LRRC8C: variants seen among roughly 807,000 people sequenced by gnomAD.
LRRC8C encodes the protein leucine rich repeat containing 8 VRAC subunit C.
Under a neutral mutation model 55.3 loss-of-function variants are expected in LRRC8C, and 20 were observed. That is an observed-to-expected ratio of 0.36 (90% CI 0.25 to 0.53). The LOEUF is 0.53. Ranked by LOEUF, LRRC8C falls within the 20% of genes least tolerant of loss-of-function variation. The probability of loss-of-function intolerance (pLI) is 0.92; values close to 1 mark genes in which losing one functional copy is unlikely to be tolerated. For missense variants in LRRC8C, 659 were observed against 951.4 expected, an observed-to-expected ratio of 0.69 and a Z score of 4.04; for synonymous variants, 376 against 360.7, an observed-to-expected ratio of 1.04 and a Z score of -0.48.
At chr1:89,630,729 CT>C (rs1656085217), upstream of LRRC8C, among the ~76,000 whole-genome samples, 1 of 152,200 alleles carries the variant, frequency 6.6e-6, no homozygotes, top group Non-Finnish European at 1.5e-5. Flanking sequence ...CCTTGTACTT[CT>C]TTAAGACCCT....
At chr1:89,685,284 AATTTTTT>A (rs1367129351) in intron 1 of LRRC8C, among the ~76,000 whole-genome samples, 5 of 75,582 alleles carry the variant, frequency 6.6e-5, no homozygotes, top group Admixed American at 1.4e-4. Flanking sequence ...GCGCCCGGCT[AATTTTTT>A]GTATTTTTAG....
rs747673573 is a variant in LRRC8C at position 89,714,026 on chromosome 1, C to T, written c.1456C>T (p.Leu486Phe). 3 of 1,613,574 alleles carry T rather than the reference C, an allele frequency of 1.9e-6. No individual in the cohort carries two copies. Among genetic ancestry groups the T allele is most frequent in the Non-Finnish European group, 2.5e-6 (3 of 1,180,010 alleles). Residue 486 changes from leucine to phenylalanine, a missense_variant, in exon 3 of 3, where the codon CTC becomes TTC. Around this residue, in one of 5 missense-constraint regions of LRRC8C, gnomAD observed 344 missense variants for 464.6 expected, o/e 0.74. Coordinates refer to ENST00000370454, the MANE Select transcript of LRRC8C (RefSeq NM_032270.5). The surrounding 1 kb of genome is among the most constrained non-coding windows in gnomAD (Gnocchi z 4.6). ...QCSVKIHSAALSFLKENLKVL... is the reference protein window; with the variant it reads ...QCSVKIHSAAFSFLKENLKVL... Reference sequence around the variant, plus strand: ...TTCTGTCAAAATCCACAGTGCGGCGCTCTCTTTCCTGAAGGAAAACCTCAA... The same window carrying T: ...TTCTGTCAAAATCCACAGTGCGGCGTTCTCTTTCCTGAAGGAAAACCTCAA...
chr1:89,642,076 T>C (rs934822323), intron 1 of LRRC8C, among the ~76,000 whole-genome samples: 4 of 152,246 alleles, frequency 2.6e-5, no homozygotes, highest in African/African-American at 9.6e-5. Flanking sequence ...GTAATTTTTA[T>C]AGTACTTTCC....
At chr1:89,709,168 C>T (rs951080172) in intron 2 of LRRC8C, among the ~76,000 whole-genome samples, 2 of 152,304 alleles carry the variant, frequency 1.3e-5, no homozygotes, top group Non-Finnish European at 2.9e-5. Context: ...GCCATCCTAG[C>T]GGAAGCTAGG....
intron 1 of LRRC8C, among the ~76,000 whole-genome samples, chr1:89,656,051 C>T (rs1656934511): frequency 6.6e-6 from 1 of 152,212 alleles, no homozygotes; most frequent in African/African-American, 2.4e-5. Context: ...GTGATGCTGC[C>T]ATCTTACAGC....
At chr1:89,699,819 T>G (rs1658269912) in intron 2 of LRRC8C, among the ~76,000 whole-genome samples, 1 of 152,232 alleles carries the variant, frequency 6.6e-6, no homozygotes, top group Non-Finnish European at 1.5e-5. Context: ...ATTTAAATAT[T>G]CACTCCTTCA....
intron 2 of LRRC8C, among the ~76,000 whole-genome samples, chr1:89,687,455 CTG>C (rs1264840951): frequency 6.6e-6 from 1 of 152,168 alleles, no homozygotes; most frequent in Non-Finnish European, 1.5e-5. Flanking sequence ...CTTTGGGAAA[CTG>C]TCAGTAGAAC....
At chr1:89,662,651 T>C (rs1021240038) in intron 1 of LRRC8C, among the ~76,000 whole-genome samples, 3 of 152,188 alleles carry the variant, frequency 2.0e-5, no homozygotes, top group African/African-American at 7.2e-5. Context: ...TTTGCCCTTA[T>C]GTCTATGTAA....
the LRRC8C span, among the ~76,000 whole-genome samples, chr1:89,621,054 T>C: frequency 1.3e-5 from 2 of 152,358 alleles, no homozygotes; most frequent in South Asian, 2.1e-4. Flanking sequence ...AGCCTTTTTA[T>C]TGCTATTTTT....
intron 1 of LRRC8C, among the ~76,000 whole-genome samples, chr1:89,651,449 TCCCAGCTACTCGG>T (rs2101195899): frequency 6.7e-6 from 1 of 148,606 alleles, no homozygotes; most frequent in Non-Finnish European, 1.5e-5. Flanking sequence ...GCGCCTCTAC[TCCCAGCTACTCGG>T]GAGGCTGAGG....
At chr1:89,659,785 G>T (rs1307069473) in intron 1 of LRRC8C, among the ~76,000 whole-genome samples, 1 of 152,154 alleles carries the variant, frequency 6.6e-6, no homozygotes, top group Non-Finnish European at 1.5e-5. Flanking sequence ...AATCATTGCT[G>T]TACATGTGGA....
chr1:89,714,060 GC>G lies in LRRC8C; in HGVS notation c.1491del (p.Ser497ArgfsTer7). ...SFLKENLKVL[S>X]VKFDDMRELP... ...CTGAAGGAAAACCTCAAGGTCTTGAGCGTCAAGTTTGATGACATGAGGGAAC... is the reference window on the plus strand; with the variant it reads ...CTGAAGGAAAACCTCAAGGTCTTGAGGTCAAGTTTGATGACATGAGGGAAC... On this transcript the variant is annotated frameshift_variant, in exon 3 of 3. Coordinates refer to ENST00000370454, the MANE Select transcript of LRRC8C (RefSeq NM_032270.5). LOFTEE classifies it high-confidence loss of function. This position sits in a 1 kb window ranked among gnomAD's most constrained non-coding sequence, Gnocchi z 4.6. 1.2e-6 allele frequency: 2 copies of G among 1,613,926 alleles called. No homozygotes were observed. Among genetic ancestry groups the G allele is most frequent in the Non-Finnish European group, 1.7e-6 (2 of 1,180,024 alleles).
At chr1:89,670,227 T>C (rs1657377560) in intron 1 of LRRC8C, among the ~76,000 whole-genome samples, 1 of 152,210 alleles carries the variant, frequency 6.6e-6, no homozygotes, top group Admixed American at 6.5e-5. Context: ...TACATGCTTT[T>C]TGCGTGTTGC....
At chr1:89,652,821 A>G (rs938064020) in intron 1 of LRRC8C, among the ~76,000 whole-genome samples, 4 of 152,176 alleles carry the variant, frequency 2.6e-5, no homozygotes, top group East Asian at 3.8e-4. Flanking sequence ...TCGTTGCAAT[A>G]TATAAACATC....
chr1:89,640,027 T>C (rs1361069115), intron 1 of LRRC8C, among the ~76,000 whole-genome samples: 8 of 152,214 alleles, frequency 5.3e-5, no homozygotes, highest in African/African-American at 1.9e-4. Flanking sequence ...CTAAATAAAC[T>C]AAAAATGTGA....
In LRRC8C at chr1:89,713,167, C is replaced by A. The variant is rs775565950; in HGVS notation, c.597C>A (p.Ile199=). Residue 199 remains isoleucine, a synonymous_variant, in exon 3 of 3, where the codon ATC becomes ATA. Transcript: ENST00000370454. This position sits in a 1 kb window ranked among gnomAD's most constrained non-coding sequence, Gnocchi z 5.2. The part of the protein sequence containing the change: ...RKNNMNRSNT[I]QSGPEDSLVN... ...ACAACATGAACAGGTCCAACACCAT[C>A]CAATCTGGTCCAGAAGACAGCCTGG... 1.9e-6 allele frequency: 3 copies of A among 1,614,184 alleles called. No homozygotes were observed. Among genetic ancestry groups the A allele is most frequent in the Non-Finnish European group, 1.7e-6 (2 of 1,180,038 alleles).
chr1:89,696,127 G>A (rs1289463293), intron 2 of LRRC8C, among the ~76,000 whole-genome samples: 1 of 152,158 alleles, frequency 6.6e-6, no homozygotes, highest in Non-Finnish European at 1.5e-5. Flanking sequence ...CTTGAATCCA[G>A]GACCAAATGC....
At chr1:89,698,638 C>G (rs1295580575) in intron 2 of LRRC8C, among the ~76,000 whole-genome samples, 1 of 152,070 alleles carries the variant, frequency 6.6e-6, no homozygotes, top group East Asian at 1.9e-4. Flanking sequence ...CTGAGAAAAT[C>G]CATAAGTTCA....
intron 1 of LRRC8C, among the ~76,000 whole-genome samples, chr1:89,685,718 C>T (rs1339961320): frequency 6.6e-6 from 1 of 152,038 alleles, no homozygotes; most frequent in Non-Finnish European, 1.5e-5. Flanking sequence ...CATTTATCTT[C>T]TGTCATTTGG....
Sources: allele counts gnomAD v4.1 joint callset (sites outside exome capture counted in the v4.1 genomes callset), GRCh38; gene constraint gnomAD v4.1.1; regional missense constraint gnomAD v4.1.1; non-coding constraint Gnocchi (gnomAD v3.1); transcripts MANE v1.5; gene names NCBI Gene and HGNC (gene_info 2026-07-23, HGNC 2026-07-21).